Variants in NSMAF observed in about 807,000 individuals in gnomAD.
NSMAF encodes the protein protein FAN.
NSMAF carries 90 observed loss-of-function variants against 134.9 expected under a neutral mutation model. The ratio of observed to expected loss-of-function variants is 0.67; its 90% confidence interval spans 0.56 to 0.79. The LOEUF is 0.79. Among genes scored for constraint, NSMAF ranks in the 30% least tolerant of loss-of-function variants. The pLI, the probability that NSMAF is intolerant of heterozygous loss-of-function variation, is 0.00. For synonymous variants in NSMAF, 358 were observed against 389.6 expected, an observed-to-expected ratio of 0.92 and a Z score of 0.96; for missense variants, 1,010 against 1,119.0, an observed-to-expected ratio of 0.90 and a Z score of 1.39.
intron 23 of NSMAF, 61 bp from the exon 24 acceptor site, chr8:58,590,995 AG>A: frequency 6.6e-7 from 1 of 1,504,938 alleles, no homozygotes; most frequent in Non-Finnish European, 9.0e-7. Flanking sequence ...CAGACGTCAA[AG>A]AACAGCTGCT....
intron 1 of NSMAF, among the ~76,000 whole-genome samples, chr8:58,654,069 G>A (rs150636426): frequency 3.9e-5 from 6 of 152,198 alleles, no homozygotes; most frequent in East Asian, 1.9e-4. Flanking sequence ...AGTCACAGTC[G>A]GATAGATTTC....
chr8:58,609,542 G>A, intron 10 of NSMAF, 62 bp downstream of exon 10: 6 of 1,577,584 alleles, frequency 3.8e-6, no homozygotes, highest in Non-Finnish European at 5.2e-6. Flanking sequence ...GCATTGTGAG[G>A]CCATGGTCTG....
At chr8:58,590,487 C>T (rs1805996689) in intron 24 of NSMAF, among the ~76,000 whole-genome samples, 1 of 152,194 alleles carries the variant, frequency 6.6e-6, no homozygotes, top group African/African-American at 2.4e-5. Context: ...GCATGATTTA[C>T]ATTAAAAATA....
intron 14 of NSMAF, among the ~76,000 whole-genome samples, chr8:58,601,766 A>G (rs1432636217): frequency 6.6e-6 from 1 of 152,208 alleles, no homozygotes; most frequent in Non-Finnish European, 1.5e-5. Context: ...TGTTGGCACT[A>G]GATTAAATAG....
At position 58,597,853 on chromosome 8, in the gene NSMAF, T is replaced by A. The variant is rs760626896; in HGVS notation, c.1628+7A>T. The stretch of plus-strand genomic sequence containing the variant: ...CAAGTAGAAACTCCTTATTGACATA[T>A]AAGTACCTGTTCAAGTCTACACCTC... On this transcript the variant is annotated splice_region_variant and intron_variant, in intron 20 of 30. Coordinates refer to ENST00000038176, the MANE Select transcript of NSMAF (RefSeq NM_003580.4). 6.3e-7 allele frequency: 1 copy of A among 1,576,660 alleles called. No individual in the cohort carries two copies. Among genetic ancestry groups the A allele is most frequent in the Non-Finnish European group, 8.7e-7 (1 of 1,146,830 alleles).
At chr8:58,650,924 C>A (rs1199733072) in intron 1 of NSMAF, among the ~76,000 whole-genome samples, 1 of 152,238 alleles carries the variant, frequency 6.6e-6, no homozygotes, top group Non-Finnish European at 1.5e-5. Context: ...TACACAGCCA[C>A]CATTTCTTCC....
At chr8:58,635,421 T>C (rs1807149606) in intron 3 of NSMAF, 47 bp downstream of exon 3, 1 of 1,570,552 alleles carries the variant, frequency 6.4e-7, no homozygotes, top group Non-Finnish European at 8.7e-7. Flanking sequence ...AGGTAAGACA[T>C]ACACAAAAAA....
intron 6 of NSMAF, 33 bp from the exon 7 acceptor site, chr8:58,623,813 A>C: frequency 6.5e-7 from 1 of 1,547,312 alleles, no homozygotes; most frequent in Non-Finnish European, 8.9e-7. Flanking sequence ...AAAATACAGG[A>C]AGAGAAGAAG....
At chr8:58,649,618 T>C (rs1266347800) in intron 1 of NSMAF, among the ~76,000 whole-genome samples, 1 of 152,164 alleles carries the variant, frequency 6.6e-6, no homozygotes, top group Non-Finnish European at 1.5e-5. Context: ...CATGAATGCC[T>C]CAGCACCATC....
chr8:58,657,571 T>C (rs1363007667), intron 1 of NSMAF, among the ~76,000 whole-genome samples: 1 of 152,242 alleles, frequency 6.6e-6, no homozygotes, highest in Non-Finnish European at 1.5e-5. Flanking sequence ...TGTTTCAGAA[T>C]GAATTCTAAG....
intron 1 of NSMAF, among the ~76,000 whole-genome samples, chr8:58,645,178 G>A (rs375837945): frequency 5.3e-5 from 8 of 152,164 alleles, no homozygotes; most frequent in African/African-American, 1.9e-4. Flanking sequence ...AAAGCATGAG[G>A]GTGGTTAAAA....
intron 9 of NSMAF, among the ~76,000 whole-genome samples, chr8:58,612,828 CTG>C (rs148783221): frequency 1.2e-3 from 190 of 152,204 alleles, no homozygotes; most frequent in African/African-American, 4.3e-3. Flanking sequence ...ATCATACACT[CTG>C]AAACCCTCAA....
chr8:58,616,014 C>T (rs1806645431), intron 9 of NSMAF, among the ~76,000 whole-genome samples: 1 of 151,964 alleles, frequency 6.6e-6, no homozygotes, highest in Non-Finnish European at 1.5e-5. Flanking sequence ...AGGACATTAG[C>T]AACTTCATAT....
chr8:58,641,486 C>T (rs1463139016), intron 2 of NSMAF, among the ~76,000 whole-genome samples: 1 of 152,166 alleles, frequency 6.6e-6, no homozygotes, highest in Non-Finnish European at 1.5e-5. Flanking sequence ...GATAAATCTG[C>T]CCCCTTCTGA....
At chr8:58,599,052 C>T (rs550789330) in intron 19 of NSMAF, among the ~76,000 whole-genome samples, 180 bp downstream of exon 19, 1 of 152,200 alleles carries the variant, frequency 6.6e-6, no homozygotes, top group Non-Finnish European at 1.5e-5. Context: ...AATATCTGAT[C>T]CAGGGTCATG....
At chr8:58,584,286 GCTATTCATTTA>G in intron 30 of NSMAF, 86 bp from the exon 31 acceptor site, 2 of 923,732 alleles carry the variant, frequency 2.2e-6, no homozygotes, top group South Asian at 2.8e-5. Flanking sequence ...CTCTTGCTTT[GCTATTCATTTA>G]CTAAACAAGT....
Position 58,589,433 on chromosome 8 carries a change from T to G in NSMAF, c.2211+19A>C, listed in dbSNP as rs1369281948. On this transcript the variant is annotated intron_variant, in intron 26 of 30. Transcript: ENST00000038176. ...TATAGCACACCAAGTTAAAAAAACTTTTTAAATTATATATGAACCTTCACT... is the reference window on the plus strand; with the variant it reads ...TATAGCACACCAAGTTAAAAAAACTGTTTAAATTATATATGAACCTTCACT... The G allele has an allele frequency of 7.0e-7, 1 of 1,432,236 alleles. No individual in the cohort carries two copies. Among genetic ancestry groups the G allele is most frequent in the Non-Finnish European group, 9.2e-7 (1 of 1,091,766 alleles). The allele number at this position is 1,432,236 out of a possible 1,614,324, so 88.7% of individuals were successfully genotyped here. A position where few individuals can be genotyped will look rare whatever the true frequency, so the allele number is the denominator to read the frequency against.
At chr8:58,647,556 A>G (rs116670146) in intron 1 of NSMAF, among the ~76,000 whole-genome samples, 4,119 of 152,168 alleles carry the variant, frequency 0.027, 203 homozygotes, top group African/African-American at 0.093. Flanking sequence ...TAGATCCCTC[A>G]TGACTCAGCA....
chr8:58,589,500 A>G lies in NSMAF; in HGVS notation c.2163T>C (p.Cys721=), dbSNP rs1805976577. 4 of 1,566,524 alleles carry G rather than the reference A, an allele frequency of 2.6e-6. 1 individual carries two copies. The highest frequency in any genetic ancestry group is 1.7e-6 in the Non-Finnish European group (2 of 1,164,462). ...CAGAATATAGCCTGTTGTCATGCCA[A>G]CAGATCTTACTAACAGCATCATCAT... The part of the protein sequence containing the change: ...MGHDDAVSKI[C]WHDNRLYSAS... The change falls in exon 26 of 31, where the codon TGT becomes TGC. Residue 721 remains cysteine, a synonymous_variant. Coordinates refer to ENST00000038176, the MANE Select transcript of NSMAF (RefSeq NM_003580.4).
Sources: allele counts gnomAD v4.1 joint callset (sites outside exome capture counted in the v4.1 genomes callset), GRCh38; gene constraint gnomAD v4.1.1; transcripts MANE v1.5; gene names NCBI Gene and HGNC (gene_info 2026-07-23, HGNC 2026-07-21).